Variants in MTA3 observed in about 807,000 individuals in gnomAD.
MTA3 encodes the protein metastasis-associated protein MTA3.
A neutral mutation model predicts 83.5 loss-of-function variants in MTA3; 34 were observed. The ratio of observed to expected loss-of-function variants is 0.41; its 90% confidence interval spans 0.31 to 0.54. The LOEUF is 0.54. Among genes scored for constraint, MTA3 ranks in the 20% least tolerant of loss-of-function variants. The pLI, the probability that MTA3 is intolerant of heterozygous loss-of-function variation, is 0.33. For synonymous variants in MTA3, 303 were observed against 252.7 expected (o/e 1.20, Z -1.89); for missense variants, 761 against 726.4 (o/e 1.05, Z -0.55).
chr2:42,597,009 A>G (rs145827288), intron 3 of MTA3, among the ~76,000 whole-genome samples: 11 of 151,766 alleles, frequency 7.2e-5, no homozygotes, highest in African/African-American at 1.9e-4. Context: ...GGTTCAAGCA[A>G]TTCTCCTCCC....
At position 42,708,977 on chromosome 2, in the gene MTA3, T is replaced by G; in HGVS notation, c.1406T>G (p.Phe469Cys). The G allele has an allele frequency of 6.2e-7, 1 of 1,614,032 alleles. No individual in the cohort carries two copies. The change falls in exon 14 of 17, where the codon TTC becomes TGC. Residue 469 changes from phenylalanine to cysteine, a missense_variant. Transcript: ENST00000405094. ...KSAVKTRQAF[F>C]LHTTYFTKFA... The stretch of plus-strand genomic sequence containing the variant: ...GCAGTGAAGACCCGCCAAGCTTTCT[T>G]CCTTCATACTACATATTTCACAAAA...
At chr2:42,654,993 C>T (rs1253202507) in intron 6 of MTA3, among the ~76,000 whole-genome samples, 1 of 152,222 alleles carries the variant, frequency 6.6e-6, no homozygotes, top group African/African-American at 2.4e-5. Context: ...CAGTCTGTCA[C>T]TGACATTCCC....
chr2:42,675,529 T>G (rs1035759024), intron 8 of MTA3, among the ~76,000 whole-genome samples: 5 of 152,224 alleles, frequency 3.3e-5, no homozygotes, highest in Non-Finnish European at 7.3e-5. Context: ...CATTTTTACC[T>G]GTGTATATAT....
At chr2:42,543,276 C>G (rs1207117939) in intron 2 of MTA3, among the ~76,000 whole-genome samples, 1 of 150,358 alleles carries the variant, frequency 6.7e-6, no homozygotes, top group Non-Finnish European at 1.5e-5. Flanking sequence ...CTCCCTGGTT[C>G]AAGCGATTCT....
chr2:42,698,849 T>G (rs1573666219), intron 11 of MTA3, among the ~76,000 whole-genome samples: 1 of 152,352 alleles, frequency 6.6e-6, no homozygotes, highest in Admixed American at 6.5e-5. Context: ...TTACAGAGTC[T>G]GTAATTTTTA....
rs901731850 is a variant in MTA3, at chr2:42,753,589, G to A, written c.*190G>A. The A allele has an allele frequency of 1.9e-5, 27 of 1,403,696 alleles. No homozygotes were observed. Among genetic ancestry groups the A allele is most frequent in the African/African-American group, 4.4e-5 (3 of 68,696 alleles). The allele number at this position is 1,403,696 out of a possible 1,614,324, so 87.0% of individuals were successfully genotyped here. A position where few individuals can be genotyped will look rare whatever the true frequency, so the allele number is the denominator to read the frequency against. ...CACGTTCCAAATCCTGTGTCTCCAC[G>A]TGTGGATCAGCAGCACCTCGCTTTC... On this transcript the variant is annotated 3_prime_UTR_variant, in exon 17 of 17. Coordinates refer to ENST00000405094, the MANE Select transcript of MTA3 (RefSeq NM_001330442.2).
intron 2 of MTA3, among the ~76,000 whole-genome samples, chr2:42,544,597 C>G (rs1238914708): frequency 6.7e-6 from 1 of 149,726 alleles, no homozygotes; most frequent in African/African-American, 2.5e-5. Flanking sequence ...AAGTGTTGGC[C>G]AGGCTGGTCT....
intron 4 of MTA3, among the ~76,000 whole-genome samples, chr2:42,617,955 T>A (rs1380523497): frequency 6.6e-6 from 1 of 151,030 alleles, no homozygotes; most frequent in Non-Finnish European, 1.5e-5. Flanking sequence ...AAAAAAAAAA[T>A]TTAAATAGAG....
At chr2:42,691,975 A>C (rs1193483350) in intron 9 of MTA3, among the ~76,000 whole-genome samples, 1 of 152,186 alleles carries the variant, frequency 6.6e-6, no homozygotes, top group Non-Finnish European at 1.5e-5. Flanking sequence ...GAGTTTGATT[A>C]TAACCTTATT....
At chr2:42,665,035 T>A (rs779362273) in intron 8 of MTA3, among the ~76,000 whole-genome samples, 1 of 152,210 alleles carries the variant, frequency 6.6e-6, no homozygotes, top group Non-Finnish European at 1.5e-5. Context: ...TAAAAAACAT[T>A]GAAGCCATGG....
intron 15 of MTA3, among the ~76,000 whole-genome samples, chr2:42,720,606 C>T (rs1342239221): frequency 1.3e-5 from 2 of 152,102 alleles, no homozygotes; most frequent in African/African-American, 2.4e-5. Context: ...TCTGTATTCC[C>T]TTGCAGAACT....
intron 16 of MTA3, among the ~76,000 whole-genome samples, chr2:42,725,834 G>T (rs955697573): frequency 2.0e-5 from 3 of 152,330 alleles, no homozygotes; most frequent in African/African-American, 7.2e-5. Context: ...AGACAGCAAA[G>T]GGGAAGTGTG....
chr2:42,667,539 A>T (rs1398302346), intron 8 of MTA3, among the ~76,000 whole-genome samples: 1 of 132,218 alleles, frequency 7.6e-6, no homozygotes, highest in Non-Finnish European at 1.6e-5. Flanking sequence ...TTAATGTTGT[A>T]CCATGTGTCA....
chr2:42,502,740 T>C (rs1572888072), intron 2 of MTA3, among the ~76,000 whole-genome samples: 1 of 141,964 alleles, frequency 7.0e-6, no homozygotes, highest in Non-Finnish European at 1.5e-5. Context: ...GAGGTTGTGG[T>C]GAGCTGAGAT....
intron 2 of MTA3, among the ~76,000 whole-genome samples, chr2:42,578,885 T>G (rs976642447): frequency 1.4e-4 from 22 of 152,230 alleles, no homozygotes; most frequent in African/African-American, 5.1e-4. Flanking sequence ...GTTTAATTAA[T>G]GCCAGTGTTA....
At chr2:42,620,754 G>A (rs1412968696) in intron 4 of MTA3, among the ~76,000 whole-genome samples, 9 of 152,120 alleles carry the variant, frequency 5.9e-5, no homozygotes, top group African/African-American at 1.7e-4. Context: ...TTGGCCTCTC[G>A]AAGTGTTGGG....
At chr2:42,672,478 A>G (rs1172979240) in intron 8 of MTA3, among the ~76,000 whole-genome samples, 2 of 151,604 alleles carry the variant, frequency 1.3e-5, no homozygotes, top group African/African-American at 4.8e-5. Flanking sequence ...CCCTATCTCT[A>G]CTAAAAATAC....
chr2:42,552,512 C>G (rs1677161742), intron 2 of MTA3, among the ~76,000 whole-genome samples: 1 of 151,826 alleles, frequency 6.6e-6, no homozygotes, highest in South Asian at 2.1e-4. Flanking sequence ...AATCCCAACA[C>G]TTTGGGAAGT....
intron 8 of MTA3, among the ~76,000 whole-genome samples, chr2:42,668,196 T>C (rs972301504): frequency 2.0e-5 from 3 of 152,168 alleles, no homozygotes; most frequent in South Asian, 2.1e-4. Context: ...GTAGAGGCAG[T>C]TGGGGGCTCC....
Sources: allele counts gnomAD v4.1 joint callset (sites outside exome capture counted in the v4.1 genomes callset), GRCh38; gene constraint gnomAD v4.1.1; transcripts MANE v1.5; gene names NCBI Gene and HGNC (gene_info 2026-07-23, HGNC 2026-07-21).